TSHZ2: variants seen among roughly 807,000 people sequenced by gnomAD.
TSHZ2 encodes teashirt zinc finger homeobox 2, also known as teashirt homolog 2.
TSHZ2 carries 21 observed loss-of-function variants against 74.4 expected under a neutral mutation model. The ratio of observed to expected loss-of-function variants is 0.28; its 90% CI spans 0.20 to 0.41. The LOEUF (loss-of-function observed/expected upper bound fraction) is 0.41. Ranked by LOEUF, TSHZ2 falls within the 10% of genes least tolerant of loss-of-function variation. TSHZ2 has a pLI of 1.00. For missense variants in TSHZ2, 1,244 were observed against 1,293.5 expected, an observed-to-expected ratio of 0.96 and a Z score of 0.59; for synonymous variants, 540 against 515.3, an observed-to-expected ratio of 1.05 and a Z score of -0.65.
At chr20:53,231,654 C>T (rs780583824) in intron 1 of TSHZ2, among the ~76,000 whole-genome samples, 1 of 152,122 alleles carries the variant, frequency 6.6e-6, no homozygotes, top group Non-Finnish European at 1.5e-5. Flanking sequence ...CTGGAAGTGC[C>T]TGGAAGTCTT....
intron 1 of TSHZ2, among the ~76,000 whole-genome samples, chr20:53,220,706 G>C (rs931957972): frequency 2.0e-5 from 3 of 152,170 alleles, no homozygotes; most frequent in Admixed American, 2.0e-4. Context: ...GATGTGAGGG[G>C]CCGGTCATGC....
chr20:53,369,910 G>A (rs559504751), intron 2 of TSHZ2, among the ~76,000 whole-genome samples: 63 of 152,234 alleles, frequency 4.1e-4, no homozygotes, highest in Middle Eastern at 6.8e-3. Context: ...TGATAGAAAC[G>A]CCTTTCTTTA....
chr20:53,072,277 T>A (rs931561609), intron 1 of TSHZ2, among the ~76,000 whole-genome samples: 1 of 152,218 alleles, frequency 6.6e-6, no homozygotes, highest in African/African-American at 2.4e-5. Flanking sequence ...CATCCCATGT[T>A]TTTGGCTTCT....
At chr20:53,338,316 G>A (rs1980039452) in intron 2 of TSHZ2, among the ~76,000 whole-genome samples, 1 of 152,182 alleles carries the variant, frequency 6.6e-6, no homozygotes, top group Non-Finnish European at 1.5e-5. Context: ...ATCTAACGTG[G>A]GATGGTGAGA....
intron 1 of TSHZ2, among the ~76,000 whole-genome samples, chr20:53,248,498 T>C (rs1413886959): frequency 6.6e-6 from 1 of 152,218 alleles, no homozygotes; most frequent in African/African-American, 2.4e-5. Flanking sequence ...TCTTCTCCAA[T>C]AATATTTCTC....
intron 2 of TSHZ2, among the ~76,000 whole-genome samples, chr20:53,281,409 C>G (rs1355684827): frequency 2.6e-5 from 4 of 152,144 alleles, no homozygotes; most frequent in Admixed American, 1.3e-4. Flanking sequence ...GTCAAAAGGC[C>G]AGATAGTAAA....
intron 2 of TSHZ2, among the ~76,000 whole-genome samples, chr20:53,443,895 G>A (rs751245893): frequency 4.6e-5 from 7 of 152,204 alleles, no homozygotes; most frequent in South Asian, 4.1e-4. Flanking sequence ...GTTGAAACCC[G>A]TGGAGAGCTA....
intron 1 of TSHZ2, among the ~76,000 whole-genome samples, chr20:53,108,213 G>A (rs1417297817): frequency 6.6e-6 from 1 of 152,224 alleles, no homozygotes; most frequent in Non-Finnish European, 1.5e-5. Context: ...GCAGCAAAAA[G>A]TAGAGAGGCT....
intron 2 of TSHZ2, among the ~76,000 whole-genome samples, chr20:53,440,223 G>A (rs1296350057): frequency 2.0e-5 from 3 of 152,162 alleles, no homozygotes; most frequent in East Asian, 1.9e-4. Context: ...AAGGAGAAGC[G>A]AGTTTGGTGG....
rs141048577 is a variant in TSHZ2 at position 53,381,996 on chromosome 20, T to C, written c.*9-105148T>C. Among the ~76,000 whole-genome samples, 40 of 152,330 alleles carry C rather than the reference T, an allele frequency of 2.6e-4. No individual in the cohort carries two copies. The East Asian group carries it at 3.3e-3, about 12-fold the overall frequency. ...AATGTTGGCTGTTGCAAAAAGCTAT[T>C]CTAAACCTATGAAAATGGAGACAGG... On this transcript the variant is annotated intron_variant, in intron 2 of 2. Transcript: ENST00000371497.
At chr20:53,185,393 G>A in intron 1 of TSHZ2, 1 of 1,241,364 alleles carries the variant, frequency 8.1e-7, no homozygotes, top group South Asian at 2.4e-5. Flanking sequence ...AGATGATGGT[G>A]GCCAGGCGAG....
chr20:53,164,881 T>A (rs1988030626), intron 1 of TSHZ2, among the ~76,000 whole-genome samples: 1 of 152,232 alleles, frequency 6.6e-6, no homozygotes, highest in Non-Finnish European at 1.5e-5. Context: ...AAACATATGT[T>A]GCCTACCATA....
intron 1 of TSHZ2, among the ~76,000 whole-genome samples, chr20:53,079,251 T>C (rs931593589): frequency 6.6e-6 from 1 of 152,184 alleles, no homozygotes; most frequent in Non-Finnish European, 1.5e-5. Flanking sequence ...TTAACTTGGC[T>C]GAGCTCCTGG....
chr20:53,222,482 C>T (rs1989587017), intron 1 of TSHZ2, among the ~76,000 whole-genome samples: 1 of 152,212 alleles, frequency 6.6e-6, no homozygotes, highest in African/African-American at 2.4e-5. Context: ...GAAGGCGTGC[C>T]ACTCTAAGCC....
intron 2 of TSHZ2, among the ~76,000 whole-genome samples, chr20:53,479,128 G>GCACT (rs1356448210): frequency 6.7e-6 from 1 of 149,732 alleles, no homozygotes; most frequent in Non-Finnish European, 1.5e-5. Context: ...TCGCGCCACT[G>GCACT]CACTCCAGCC....
chr20:53,124,089 A>G (rs553055260), intron 1 of TSHZ2, among the ~76,000 whole-genome samples: 1 of 152,140 alleles, frequency 6.6e-6, no homozygotes, highest in African/African-American at 2.4e-5. Context: ...AGGGAAGACA[A>G]CTCCCTTTTA....
intron 1 of TSHZ2, among the ~76,000 whole-genome samples, chr20:52,980,181 CAGGGTTCAAGATCA>C (rs1981510012): frequency 6.6e-6 from 1 of 152,188 alleles, no homozygotes; most frequent in Non-Finnish European, 1.5e-5. Context: ...ATAGCTAGCT[CAGGGTTCAAGATCA>C]AGAGAACTTT....
At chr20:53,119,529 CAT>C (rs1458612134) in intron 1 of TSHZ2, among the ~76,000 whole-genome samples, 2 of 152,168 alleles carry the variant, frequency 1.3e-5, no homozygotes, top group East Asian at 1.9e-4. Context: ...ACGATGAACA[CAT>C]ATGACTGTTG....
chr20:53,043,366 G>A (rs1984116023), intron 1 of TSHZ2, among the ~76,000 whole-genome samples: 1 of 152,094 alleles, frequency 6.6e-6, no homozygotes, highest in Non-Finnish European at 1.5e-5. Context: ...AGTGGGGTTT[G>A]CTACTGGCAT....
Sources: gnomAD v4.1 joint callset for allele counts (sites outside exome capture counted in the v4.1 genomes callset) on GRCh38, gnomAD v4.1.1 for gene constraint, MANE v1.5 for transcripts, NCBI Gene and HGNC (gene_info 2026-07-23, HGNC 2026-07-21) for gene names.